GLRA3: variants seen among roughly 807,000 people sequenced by gnomAD.
The protein encoded by GLRA3 is glycine receptor subunit alpha-3.
GLRA3 carries 44 observed loss-of-function variants against 60.4 expected under a neutral mutation model. The ratio of observed to expected loss-of-function variants is 0.73; its 90% CI spans 0.57 to 0.94. GLRA3 has a LOEUF of 0.94. Ranked by LOEUF, GLRA3 falls within the 40% of genes least tolerant of loss-of-function variation. The probability of loss-of-function intolerance (pLI) is 0.00; values close to 1 mark genes in which losing one functional copy is unlikely to be tolerated. For synonymous variants in GLRA3, 223 were observed against 192.9 expected (o/e 1.16, Z -1.29); for missense variants, 508 against 564.6 (o/e 0.90, Z 1.02).
chr4:174,701,073 A>G (rs1276727035), intron 5 of GLRA3, among the ~76,000 whole-genome samples: 3 of 152,210 alleles, frequency 2.0e-5, no homozygotes, highest in Non-Finnish European at 4.4e-5. Context: ...AGATGAAACA[A>G]TCTTCTATTG....
intron 3 of GLRA3, among the ~76,000 whole-genome samples, chr4:174,742,056 C>A (rs1254759735): frequency 6.6e-6 from 1 of 151,874 alleles, no homozygotes; most frequent in Non-Finnish European, 1.5e-5. Context: ...TAAAAAACAA[C>A]AAAAAAGTCA....
intron 3 of GLRA3, among the ~76,000 whole-genome samples, chr4:174,737,088 GT>G (rs531889093): frequency 1.3e-5 from 2 of 151,818 alleles, no homozygotes; most frequent in South Asian, 2.1e-4. Context: ...ACTAATCAGT[GT>G]TTTTTTTAAA....
Position 174,641,811 on chromosome 4 carries a change from G to A in GLRA3, c.*1975C>T, listed in dbSNP as rs10213103. ...TAAGATGTGGAAAGTATAGAAAAACGTATTCAGGTATTTCAGAGACACATC... is the reference window on the plus strand; with the variant it reads ...TAAGATGTGGAAAGTATAGAAAAACATATTCAGGTATTTCAGAGACACATC... On this transcript the variant is annotated 3_prime_UTR_variant, in exon 10 of 10. Coordinates refer to ENST00000274093, the MANE Select transcript of GLRA3 (RefSeq NM_006529.4). 1 of 151,944 alleles carries A rather than the reference G, an allele frequency of 6.6e-6. No individual in the cohort carries two copies. The highest frequency in any genetic ancestry group is 1.5e-5 in the Non-Finnish European group (1 of 67,886). The allele number at this position is 151,944 out of a possible 1,614,324, so 9.4% of individuals were successfully genotyped here. A position where few individuals can be genotyped will look rare whatever the true frequency, so the allele number is the denominator to read the frequency against.
intron 5 of GLRA3, among the ~76,000 whole-genome samples, chr4:174,700,119 T>A (rs572396921): frequency 6.6e-6 from 1 of 152,288 alleles, no homozygotes; most frequent in African/African-American, 2.4e-5. Flanking sequence ...TGATTGTAAT[T>A]AGGTAGAAGA....
rs898995569 is a variant in GLRA3 at position 174,639,149 on chromosome 4, G to A, written c.*4637C>T. ...AGTGTTTTAGAATTCGATTGTTAAG[G>A]GTTAAAGACTTGATCCAGTTAGCTT... On this transcript the variant is annotated 3_prime_UTR_variant, in exon 10 of 10. Transcript: ENST00000274093. The A allele has an allele frequency of 1.3e-5, 2 of 152,040 alleles. No individual in the cohort carries two copies. Among genetic ancestry groups the A allele is most frequent in the African/African-American group, 4.8e-5 (2 of 41,414 alleles). 9.4% of individuals were successfully genotyped at this position (152,040 alleles called of 1,614,324 possible). A position where few individuals can be genotyped will look rare whatever the true frequency, so the allele number is the denominator to read the frequency against.
chr4:174,805,604 G>A (rs1275549363), intron 1 of GLRA3, among the ~76,000 whole-genome samples: 1 of 152,026 alleles, frequency 6.6e-6, no homozygotes, highest in Non-Finnish European at 1.5e-5. Flanking sequence ...TCAGAGCTAG[G>A]ACACCTACTT....
At chr4:174,731,539 C>T (rs1276668726) in intron 3 of GLRA3, among the ~76,000 whole-genome samples, 2 of 152,058 alleles carry the variant, frequency 1.3e-5, no homozygotes, top group East Asian at 3.9e-4. Context: ...ATTAAAAGTT[C>T]AAATATGATG....
chr4:174,730,040 C>T (rs1445833157), intron 3 of GLRA3, among the ~76,000 whole-genome samples: 2 of 152,186 alleles, frequency 1.3e-5, no homozygotes, highest in Non-Finnish European at 2.9e-5. Context: ...ACTAAGGTTA[C>T]ACACCAGAAA....
At chr4:174,683,565 G>A (rs1734440107) in intron 5 of GLRA3, among the ~76,000 whole-genome samples, 1 of 152,110 alleles carries the variant, frequency 6.6e-6, no homozygotes, top group South Asian at 2.1e-4. Context: ...TGGCCAGGCT[G>A]GTCTCAAACT....
Position 174,728,474 on chromosome 4 carries a change from C to T in GLRA3, c.491+1G>A. On this transcript the variant is annotated splice_donor_variant, in intron 4 of 9. Transcript: ENST00000274093. LOFTEE classifies it high-confidence loss of function. ...ATCGGCAATTTAAGTCCACGACTCA[C>T]CTTATTGAATAAAGAACATTTCCAT... 1 of 1,508,766 alleles carries T rather than the reference C, an allele frequency of 6.6e-7. No homozygotes were observed. Among genetic ancestry groups the T allele is most frequent in the South Asian group, 1.1e-5 (1 of 88,572 alleles). The allele number at this position is 1,508,766 out of a possible 1,614,324, so 93.5% of individuals were successfully genotyped here.
intron 3 of GLRA3, among the ~76,000 whole-genome samples, chr4:174,734,217 AATGTCTCACTGGTTTAG>A (rs1424549289): frequency 8.5e-5 from 13 of 152,334 alleles, no homozygotes; most frequent in East Asian, 7.7e-4. Flanking sequence ...ACTTCTTACC[AATGTCTCACTGGTTTAG>A]CTGCATAAGC....
At chr4:174,828,340 A>G (rs1741061371) in intron 1 of GLRA3, among the ~76,000 whole-genome samples, 1 of 152,166 alleles carries the variant, frequency 6.6e-6, no homozygotes, top group Admixed American at 6.5e-5. Context: ...TATGGTCTGT[A>G]TTTCTGCATT....
intron 5 of GLRA3, among the ~76,000 whole-genome samples, chr4:174,713,235 T>G (rs1320667462): frequency 2.0e-5 from 3 of 152,092 alleles, no homozygotes; most frequent in Admixed American, 6.6e-5. Flanking sequence ...ATAGAGGAAT[T>G]AAGAAACAAA....
At position 174,764,129 on chromosome 4, in the gene GLRA3, G is replaced by A. The variant is rs115445175; in HGVS notation, c.267+2834C>T. Among the ~76,000 whole-genome samples the A allele has an allele frequency of 5.3e-3, 806 of 152,098 alleles. 7 individuals carry two copies. The highest frequency in any genetic ancestry group is 0.018 in the African/African-American group (761 of 41,514). On this transcript the variant is annotated intron_variant, in intron 3 of 9. Coordinates refer to ENST00000274093, the MANE Select transcript of GLRA3 (RefSeq NM_006529.4). ...GAGTTTATATTGTTAAACTGCACAC[G>A]CATTTTTTTAAATTTGTGCAAGAAA...
chr4:174,667,099 G>GA (rs1733707111), intron 7 of GLRA3, among the ~76,000 whole-genome samples: 1 of 152,054 alleles, frequency 6.6e-6, no homozygotes, highest in East Asian at 1.9e-4. Context: ...AGCAGCAGAG[G>GA]AAAACCAAGT....
intron 1 of GLRA3, among the ~76,000 whole-genome samples, chr4:174,820,837 G>A (rs9998745): frequency 0.74 from 112,869 of 152,036 alleles, 42,389 homozygotes; most frequent in Non-Finnish European, 0.8. Flanking sequence ...TACTGCTATA[G>A]TAATTACATC....
intron 1 of GLRA3, among the ~76,000 whole-genome samples, chr4:174,800,092 C>T (rs1276804194): frequency 6.6e-6 from 1 of 151,948 alleles, no homozygotes; most frequent in African/African-American, 2.4e-5. Context: ...ATTATCTTAA[C>T]AGCAGATTAG....
intron 3 of GLRA3, among the ~76,000 whole-genome samples, chr4:174,731,750 TACA>T: frequency 6.6e-6 from 1 of 152,278 alleles, no homozygotes; most frequent in Non-Finnish European, 1.5e-5. Flanking sequence ...TTGCCACATA[TACA>T]ACTGACAGTT....
intron 5 of GLRA3, among the ~76,000 whole-genome samples, chr4:174,683,347 G>A (rs971188912): frequency 6.6e-6 from 1 of 151,904 alleles, no homozygotes; most frequent in African/African-American, 2.4e-5. Flanking sequence ...TCACTCGTTA[G>A]AAAATGACTT....
Sources: gnomAD v4.1 joint callset for allele counts (sites outside exome capture counted in the v4.1 genomes callset) on GRCh38, gnomAD v4.1.1 for gene constraint, MANE v1.5 for transcripts, NCBI Gene and HGNC (gene_info 2026-07-23, HGNC 2026-07-21) for gene names.